ZNF326: variants seen among roughly 807,000 people sequenced by gnomAD.
ZNF326 encodes DBIRD complex subunit ZNF326.
ZNF326 carries 30 observed loss-of-function variants against 63.1 expected under a neutral mutation model. The observed-to-expected ratio is 0.48, with a 90% CI of 0.36 to 0.64. The LOEUF is 0.64. ZNF326 is among the 30% of genes least tolerant of loss of function. The pLI, the probability that ZNF326 is intolerant of heterozygous loss-of-function variation, is 0.00. For synonymous variants in ZNF326, 194 were observed against 228.2 expected, an observed-to-expected ratio of 0.85 and a Z score of 1.35; for missense variants, 609 against 720.3, an observed-to-expected ratio of 0.85 and a Z score of 1.77.
rs1001249926 is a variant in ZNF326 at position 90,013,803 on chromosome 1, C to T, written c.926+566C>T. On this transcript the variant is annotated intron_variant, in intron 7 of 11. Coordinates refer to ENST00000340281, the MANE Select transcript of ZNF326 (RefSeq NM_182976.4). Reference sequence around the variant, plus strand: ...ATTGGGCTAGGCACAGTGGCTCATGCCTGTAATCCCAGCACTTTGGGAGGC... The same window carrying T: ...ATTGGGCTAGGCACAGTGGCTCATGTCTGTAATCCCAGCACTTTGGGAGGC... Among the ~76,000 whole-genome samples, 6 of 151,676 alleles carry T rather than the reference C, an allele frequency of 4.0e-5. No homozygotes were observed. In the East Asian group the frequency reaches 1.2e-3, roughly 30 times the overall value.
chr1:90,006,408 A>G (rs2101062314), intron 4 of ZNF326: 1 of 985,274 alleles, frequency 1.0e-6, no homozygotes, highest in Non-Finnish European at 1.2e-6. Context: ...CTCATGTGTA[A>G]TTGTGGGCCT....
intron 5 of ZNF326, among the ~76,000 whole-genome samples, chr1:90,008,152 T>A (rs1044101537): frequency 6.6e-6 from 1 of 152,252 alleles, no homozygotes; most frequent in African/African-American, 2.4e-5. Context: ...ATGTTTATAC[T>A]TTGTGGCTAA....
At chr1:89,999,349 G>T (rs1022430468) in intron 2 of ZNF326, among the ~76,000 whole-genome samples, 3 of 147,916 alleles carry the variant, frequency 2.0e-5, no homozygotes, top group African/African-American at 7.4e-5. Flanking sequence ...AGGGGGAGGG[G>T]AAGAGGGAGG....
At chr1:89,999,574 G>T (rs1163557191) in intron 2 of ZNF326, among the ~76,000 whole-genome samples, 1 of 152,100 alleles carries the variant, frequency 6.6e-6, no homozygotes, top group East Asian at 1.9e-4. Flanking sequence ...GTGATTGTTG[G>T]AATCTCTTGG....
intron 2 of ZNF326, among the ~76,000 whole-genome samples, chr1:90,002,155 C>G (rs1452274818): frequency 6.6e-6 from 1 of 152,066 alleles, no homozygotes; most frequent in African/African-American, 2.4e-5. Context: ...AGCCCTATAA[C>G]TACACTGATT....
chr1:90,003,533 TGA>T (rs1648805145), intron 2 of ZNF326, among the ~76,000 whole-genome samples: 1 of 152,154 alleles, frequency 6.6e-6, no homozygotes, highest in South Asian at 2.1e-4. Context: ...AAGCACCACG[TGA>T]GAGTTACAGG....
intron 9 of ZNF326, among the ~76,000 whole-genome samples, chr1:90,020,538 G>A (rs1398909746): frequency 6.6e-6 from 1 of 151,898 alleles, no homozygotes; most frequent in East Asian, 1.9e-4. Flanking sequence ...GAATGTACAG[G>A]CCTCAGAGCA....
At chr1:90,025,633 A>G (rs866138400) in intron 11 of ZNF326, among the ~76,000 whole-genome samples, 2 of 152,344 alleles carry the variant, frequency 1.3e-5, no homozygotes, top group Non-Finnish European at 2.9e-5. Context: ...AGGAAATTTT[A>G]AAGATACATT....
chr1:90,027,756 G>C lies in ZNF326; in HGVS notation c.*55G>C. On this transcript the variant is annotated 3_prime_UTR_variant, in exon 12 of 12. Transcript: ENST00000340281. ...TACATTTCGGTTCTAATGTAAAAAAGGGTAAGAAATTTAATAGCTTAAAAT... is the reference window on the plus strand; with the variant it reads ...TACATTTCGGTTCTAATGTAAAAAACGGTAAGAAATTTAATAGCTTAAAAT... 1 of 1,551,668 alleles carries C rather than the reference G, an allele frequency of 6.4e-7. No homozygotes were observed. Among genetic ancestry groups the C allele is most frequent in the Non-Finnish European group, 8.8e-7 (1 of 1,131,850 alleles).
At chr1:89,999,959 T>C (rs369180187) in intron 2 of ZNF326, among the ~76,000 whole-genome samples, 1 of 152,332 alleles carries the variant, frequency 6.6e-6, no homozygotes, top group African/African-American at 2.4e-5. Context: ...AATATATATG[T>C]CATAATTTAG....
In ZNF326 at chr1:90,031,207, C is replaced by G. The variant is rs1417620852; in HGVS notation, c.*3506C>G. 5 of 152,124 alleles carry G rather than the reference C, an allele frequency of 3.3e-5. No individual in the cohort carries two copies. Among genetic ancestry groups the G allele is most frequent in the African/African-American group, 1.2e-4 (5 of 41,410 alleles). 9.4% of individuals were successfully genotyped at this position (152,124 alleles called of 1,614,324 possible). On this transcript the variant is annotated 3_prime_UTR_variant, in exon 12 of 12. Transcript: ENST00000340281. ...GAGTCAGAAAATGGGGACTTTTCCCCCCTCATTTAATACTTACAACTATAT... is the reference window on the plus strand; with the variant it reads ...GAGTCAGAAAATGGGGACTTTTCCCGCCTCATTTAATACTTACAACTATAT...
intron 11 of ZNF326, among the ~76,000 whole-genome samples, chr1:90,023,934 AAAT>A (rs1429674064): frequency 6.6e-6 from 1 of 152,218 alleles, no homozygotes; most frequent in East Asian, 1.9e-4. Context: ...AGCTCATTAG[AAAT>A]GCAGAATTTC....
chr1:90,028,101 AG>A lies in ZNF326; in HGVS notation c.*401del, dbSNP rs1350920198. On this transcript the variant is annotated 3_prime_UTR_variant, in exon 12 of 12. Transcript: ENST00000340281. ...TACCCTGGAAGATATAAACTGGGCA[AG>A]TATTTTGTGCTCTGTGTATTTTTTT... 2 of 181,988 alleles carry A rather than the reference AG, an allele frequency of 1.1e-5. No homozygotes were observed. The highest frequency in any genetic ancestry group is 4.8e-5 in the African/African-American group (2 of 41,704). The allele number at this position is 181,988 out of a possible 1,614,324, so 11.3% of individuals were successfully genotyped here. A position where few individuals can be genotyped will look rare whatever the true frequency, so the allele number is the denominator to read the frequency against.
intron 10 of ZNF326, 143 bp from the exon 11 acceptor site, chr1:90,022,107 A>C: frequency 1.6e-6 from 1 of 616,878 alleles, no homozygotes; most frequent in South Asian, 2.2e-5. Context: ...GACTGTGGTT[A>C]TAGTAGTTGC....
At chr1:90,024,304 T>C (rs772234563) in intron 11 of ZNF326, among the ~76,000 whole-genome samples, 18 of 152,230 alleles carry the variant, frequency 1.2e-4, no homozygotes, top group Non-Finnish European at 2.1e-4. Context: ...CTCTTAATTC[T>C]CCAACTGTAT....
At chr1:90,011,009 T>A (rs1156949925) in intron 6 of ZNF326, among the ~76,000 whole-genome samples, 3 of 152,150 alleles carry the variant, frequency 2.0e-5, no homozygotes, top group Admixed American at 2.0e-4. Flanking sequence ...GACATTTTAT[T>A]AGACATTACT....
chr1:90,011,339 G>A (rs1177067917), intron 6 of ZNF326, among the ~76,000 whole-genome samples: 1 of 152,126 alleles, frequency 6.6e-6, no homozygotes, highest in African/African-American at 2.4e-5. Flanking sequence ...TAGAAAATTA[G>A]TAGGAAAGGA....
At chr1:90,010,862 T>C (rs928325173) in intron 6 of ZNF326, among the ~76,000 whole-genome samples, 5 of 152,200 alleles carry the variant, frequency 3.3e-5, no homozygotes, top group African/African-American at 7.2e-5. Flanking sequence ...AATTACTTTC[T>C]CATCAGGCCT....
Position 90,030,691 on chromosome 1 carries a change from G to C in ZNF326, c.*2990G>C, listed in dbSNP as rs533838759. On this transcript the variant is annotated 3_prime_UTR_variant, in exon 12 of 12. Coordinates refer to ENST00000340281, the MANE Select transcript of ZNF326 (RefSeq NM_182976.4). ...CTACTTTTTTTTTTTTTTTCTTTAG[G>C]TTCTGTCTTTGTCATGCAGGCTGGA... 6.7e-6 allele frequency: 1 copy of C among 149,210 alleles called. No homozygotes were observed. Among genetic ancestry groups the C allele is most frequent in the Admixed American group, 6.7e-5 (1 of 14,988 alleles). The allele number at this position is 149,210 out of a possible 1,614,324, so 9.2% of individuals were successfully genotyped here. A position where few individuals can be genotyped will look rare whatever the true frequency, so the allele number is the denominator to read the frequency against.
Sources: allele counts gnomAD v4.1 joint callset (sites outside exome capture counted in the v4.1 genomes callset), GRCh38; gene constraint gnomAD v4.1.1; transcripts MANE v1.5; gene names NCBI Gene and HGNC (gene_info 2026-07-23, HGNC 2026-07-21).